OGG1: variants seen among roughly 807,000 people sequenced by gnomAD.
OGG1 encodes N-glycosylase/DNA lyase.
In OGG1, 35 loss-of-function variants were observed where a neutral mutation model predicts 42.3. That is an observed-to-expected ratio of 0.83 (90% CI 0.63 to 1.10). The LOEUF is 1.10. Ranked by LOEUF, OGG1 falls within the 50% of genes least tolerant of loss-of-function variation. The pLI is 0.00. For missense variants in OGG1, 484 were observed against 446.7 expected, an observed-to-expected ratio of 1.08 and a Z score of -0.75; for synonymous variants, 189 against 179.0, an observed-to-expected ratio of 1.06 and a Z score of -0.44.
downstream of OGG1, chr3:9,760,743 C>G: frequency 6.2e-7 from 1 of 1,614,066 alleles, no homozygotes; most frequent in South Asian, 1.1e-5. Context: ...TCATTCTCGT[C>G]ATAGAAGGGA....
At chr3:9,757,697 A>T, downstream of OGG1, 2 of 1,613,996 alleles carry the variant, frequency 1.2e-6, no homozygotes, top group Non-Finnish European at 1.7e-6. This position sits in a 1 kb window ranked among gnomAD's most constrained non-coding sequence, Gnocchi z 4.5. Context: ...TTTGTGGACC[A>T]CCCATGCCCT....
chr3:9,761,372 G>A (rs2125576697), downstream of OGG1: 1 of 1,338,946 alleles, frequency 7.5e-7, no homozygotes, highest in Non-Finnish European at 1.0e-6. Flanking sequence ...AGGAAGGGAG[G>A]GCAGAGGGAG....
downstream of OGG1, chr3:9,760,578 G>GGT: frequency 6.8e-7 from 1 of 1,461,358 alleles, no homozygotes; most frequent in South Asian, 1.1e-5. Flanking sequence ...AAGGAAGGCA[G>GGT]GAGGGAGACC....
At chr3:9,772,451 C>G (rs1246548238) in intron 2 of OGG1, among the ~76,000 whole-genome samples, 1 of 152,192 alleles carries the variant, frequency 6.6e-6, no homozygotes, top group Non-Finnish European at 1.5e-5. Context: ...AGATGTAGTA[C>G]TCATAGGATT....
intron 2 of OGG1, chr3:9,780,457 G>A (rs2078432427): frequency 4.3e-6 from 7 of 1,612,376 alleles, no homozygotes; most frequent in Non-Finnish European, 5.9e-6. Context: ...CTGCCGGGCA[G>A]CCATGATCTT....
downstream of OGG1, chr3:9,761,048 C>G (rs930090373): frequency 2.4e-6 from 1 of 423,218 alleles, no homozygotes; most frequent in East Asian, 4.6e-5. Flanking sequence ...CCTCACCACT[C>G]GGTCATCACC....
rs760291986 is a variant in OGG1, at chr3:9,762,934, T to G, written c.1049-2875T>G. ...CCCACCTTGAGATCCCGGTGTACAA[T>G]GCCCAGGTCATGCAGGTATTTCACA... On this transcript the variant is annotated intron_variant, in intron 7 of 7. Transcript: ENST00000302008. 5.0e-6 allele frequency: 8 copies of G among 1,613,960 alleles called. No homozygotes were observed. The highest frequency in any genetic ancestry group is 1.6e-4 in the Middle Eastern group (1 of 6,082).
chr3:9,771,023 TTTTTTC>T (rs1287508218), downstream of OGG1, among the ~76,000 whole-genome samples: 5 of 151,978 alleles, frequency 3.3e-5, no homozygotes, highest in African/African-American at 9.7e-5. Context: ...CTCTTCTTCT[TTTTTTC>T]TTTTTCTTTT....
chr3:9,767,447 C>T (rs181968036), downstream of OGG1, among the ~76,000 whole-genome samples: 452 of 152,334 alleles, frequency 3.0e-3, 5 homozygotes, highest in African/African-American at 0.01. Flanking sequence ...TTCATTCTCT[C>T]GACTTCTTTC....
chr3:9,764,603 C>T (rs1024823610), intron 7 of OGG1, among the ~76,000 whole-genome samples: 1 of 146,242 alleles, frequency 6.8e-6, no homozygotes, highest in Admixed American at 6.9e-5. Context: ...TGAGCCACTG[C>T]GCCTGGCGTT....
In OGG1 at chr3:9,779,102, C is replaced by T. The variant is rs114191301; in HGVS notation, c.295-2411C>T. Among the ~76,000 whole-genome samples the T allele has an allele frequency of 1.6e-3, 243 of 152,174 alleles. 1 individual carries two copies. Among genetic ancestry groups the T allele is most frequent in the South Asian group, 9.6e-3 (46 of 4,808 alleles). ...GTGTCCCTTAGGCCAAGCTTCCTGC[C>T]CCAGCTGTGGAAGAGACGTTGTCGG... On this transcript the variant is annotated intron_variant, in intron 2 of 3. Transcript: ENST00000426518.
chr3:9,774,362 T>C (rs2078338029), intron 2 of OGG1, among the ~76,000 whole-genome samples: 1 of 145,114 alleles, frequency 6.9e-6, no homozygotes, highest in Non-Finnish European at 1.5e-5. Context: ...TGAGCTGAGA[T>C]TGCACCATTG....
intron 3 of OGG1, chr3:9,787,701 C>G (rs2078648358): frequency 7.6e-7 from 1 of 1,321,628 alleles, no homozygotes; most frequent in African/African-American, 1.5e-5. Context: ...CTTGAATTTA[C>G]TGCTGTCTGT....
chr3:9,788,435 C>T (rs1489394077), downstream of OGG1, among the ~76,000 whole-genome samples: 8 of 151,658 alleles, frequency 5.3e-5, no homozygotes, highest in African/African-American at 9.7e-5. Flanking sequence ...TTAGTAGAGA[C>T]GGGGTTTCAC....
At chr3:9,755,341 G>T (rs2077486750) in intron 4 of OGG1, among the ~76,000 whole-genome samples, 1 of 152,152 alleles carries the variant, frequency 6.6e-6, no homozygotes, top group Admixed American at 6.5e-5. Flanking sequence ...TGGAATTACA[G>T]GGATGAGCCA....
At chr3:9,781,099 C>T (rs2078450037) in intron 2 of OGG1, among the ~76,000 whole-genome samples, 1 of 151,842 alleles carries the variant, frequency 6.6e-6, no homozygotes, top group African/African-American at 2.4e-5. Context: ...CACTACACTC[C>T]AGTCTGGGCA....
downstream of OGG1, chr3:9,761,013 T>C (rs545626946): frequency 8.3e-6 from 4 of 483,660 alleles, no homozygotes; most frequent in East Asian, 1.2e-4. Context: ...TGCCACTCTT[T>C]CCCCACACCT....
chr3:9,778,756 A>G (rs2078397645), intron 2 of OGG1, among the ~76,000 whole-genome samples: 1 of 152,110 alleles, frequency 6.6e-6, no homozygotes, highest in Admixed American at 6.5e-5. Context: ...GGGACTAATC[A>G]TTGTGGCTAG....
At chr3:9,774,184 G>A (rs2078336174) in intron 2 of OGG1, among the ~76,000 whole-genome samples, 1 of 152,124 alleles carries the variant, frequency 6.6e-6, no homozygotes, top group African/African-American at 2.4e-5. Flanking sequence ...CAAGGCAGAA[G>A]GATCACCTGA....
Sources: allele counts gnomAD v4.1 joint callset (sites outside exome capture counted in the v4.1 genomes callset), GRCh38; gene constraint gnomAD v4.1.1; non-coding constraint Gnocchi (gnomAD v3.1); transcripts MANE v1.5; gene names NCBI Gene and HGNC (gene_info 2026-07-23, HGNC 2026-07-21).